Variants in AUTS2 observed in about 807,000 individuals in gnomAD.
AUTS2 encodes autism susceptibility gene 2 protein.
AUTS2 carries 17 observed loss-of-function variants against 112.4 expected under a neutral mutation model. That is an observed-to-expected ratio of 0.15 (90% CI 0.10 to 0.23). AUTS2 has a LOEUF of 0.23. AUTS2 is among the 10% of genes least tolerant of loss of function. The pLI, the probability that AUTS2 is intolerant of heterozygous loss-of-function variation, is 1.00. For missense variants in AUTS2, 1,510 were observed against 1,701.6 expected (o/e 0.89, Z 1.98); for synonymous variants, 751 against 702.7 (o/e 1.07, Z -1.09).
intron 4 of AUTS2, among the ~76,000 whole-genome samples, chr7:70,302,751 GGGCA>G (rs1158117903): frequency 2.8e-4 from 42 of 152,118 alleles, no homozygotes; most frequent in East Asian, 7.7e-4. Context: ...TGGTCTTGAG[GGGCA>G]GGCTGTCTGG....
At chr7:70,323,031 A>C (rs1469230084) in intron 4 of AUTS2, among the ~76,000 whole-genome samples, 1 of 152,214 alleles carries the variant, frequency 6.6e-6, no homozygotes, top group Non-Finnish European at 1.5e-5. Flanking sequence ...AACCAATTAG[A>C]GTGGGTTCTG....
intron 1 of AUTS2, among the ~76,000 whole-genome samples, chr7:69,868,240 A>T (rs1348035221): frequency 1.3e-5 from 2 of 152,166 alleles, no homozygotes; most frequent in Non-Finnish European, 2.9e-5. Context: ...CCTAGGATTC[A>T]GCTTTATCTC....
At chr7:70,424,260 C>T (rs1795339542) in intron 4 of AUTS2, among the ~76,000 whole-genome samples, 1 of 152,162 alleles carries the variant, frequency 6.6e-6, no homozygotes, top group African/African-American at 2.4e-5. Context: ...TTCTGTGGAG[C>T]AGAAATACGG....
chr7:70,764,496 A>G (rs1249164068), intron 7 of AUTS2, among the ~76,000 whole-genome samples: 1 of 152,116 alleles, frequency 6.6e-6, no homozygotes, highest in African/African-American at 2.4e-5. Context: ...TTTAGGCAGA[A>G]TGAGCTGTCT....
chr7:70,734,982 A>C (rs1787695737), intron 6 of AUTS2, among the ~76,000 whole-genome samples: 1 of 152,122 alleles, frequency 6.6e-6, no homozygotes, highest in South Asian at 2.1e-4. Flanking sequence ...ACCCAAGGTC[A>C]AGATAAATAT....
At chr7:70,621,055 G>A (rs1462871563) in intron 5 of AUTS2, among the ~76,000 whole-genome samples, 1 of 152,156 alleles carries the variant, frequency 6.6e-6, no homozygotes, top group African/African-American at 2.4e-5. Context: ...GAAAGAGCCA[G>A]GAGAATGAAG....
intron 5 of AUTS2, among the ~76,000 whole-genome samples, chr7:70,592,859 GT>G (rs1167441276): frequency 2.0e-5 from 3 of 152,088 alleles, no homozygotes; most frequent in Non-Finnish European, 4.4e-5. Context: ...TGTTGTTTTT[GT>G]TTTTTATTAG....
At chr7:70,314,622 C>A (rs1460939343) in intron 4 of AUTS2, among the ~76,000 whole-genome samples, 4 of 152,210 alleles carry the variant, frequency 2.6e-5, no homozygotes, top group African/African-American at 7.2e-5. Flanking sequence ...TCATCTTAAA[C>A]CCTCTAGTCC....
rs543246257 is a variant in AUTS2 at position 70,388,342 on chromosome 7, A to G, written c.661-47410A>G. ...TCCCGCCTTGGATTTTCATTGTTAT[A>G]ACTCCTGTGACTGCTGATAAAGTAT... On this transcript the variant is annotated intron_variant, in intron 4 of 18. Transcript: ENST00000342771. Among the ~76,000 whole-genome samples the G allele has an allele frequency of 2.3e-4, 35 of 152,294 alleles. No homozygotes were observed. The South Asian group carries it at 6.0e-3, about 26-fold the overall frequency.
chr7:69,850,369 A>G (rs1792417158), intron 1 of AUTS2, among the ~76,000 whole-genome samples: 1 of 132,872 alleles, frequency 7.5e-6, no homozygotes, highest in Non-Finnish European at 1.6e-5. Context: ...ACTGCACTCC[A>G]GCCTGGGCAA....
At chr7:69,705,458 CA>C (rs541021886) in intron 1 of AUTS2, among the ~76,000 whole-genome samples, 1 of 152,134 alleles carries the variant, frequency 6.6e-6, no homozygotes, top group Non-Finnish European at 1.5e-5. Context: ...TGGTCAGTCC[CA>C]GTGGTTGGGT....
At chr7:70,557,308 A>C (rs548285838) in intron 5 of AUTS2, among the ~76,000 whole-genome samples, 13 of 152,250 alleles carry the variant, frequency 8.5e-5, no homozygotes, top group Non-Finnish European at 1.6e-4. Flanking sequence ...GGGTCTCCAG[A>C]GGAGGTCACA....
intron 1 of AUTS2, among the ~76,000 whole-genome samples, chr7:69,675,826 T>C (rs1446570689): frequency 6.6e-6 from 1 of 152,098 alleles, no homozygotes; most frequent in Non-Finnish European, 1.5e-5. Flanking sequence ...GTTTGACTCT[T>C]TGCACCCACA....
intron 3 of AUTS2, among the ~76,000 whole-genome samples, chr7:70,122,972 T>A (rs1053115268): frequency 1.3e-5 from 2 of 150,328 alleles, no homozygotes; most frequent in African/African-American, 2.4e-5. Context: ...ACCTCCTGGG[T>A]TCAAGCGATT....
chr7:70,011,063 G>C (rs770935578), intron 2 of AUTS2, among the ~76,000 whole-genome samples: 9 of 152,278 alleles, frequency 5.9e-5, no homozygotes, highest in South Asian at 2.1e-4. Flanking sequence ...TTTAAAATAG[G>C]AGTTAAGGCT....
At chr7:70,738,671 C>G (rs1787916981) in intron 6 of AUTS2, among the ~76,000 whole-genome samples, 1 of 152,076 alleles carries the variant, frequency 6.6e-6, no homozygotes, top group South Asian at 2.1e-4. Context: ...CTCCTGTGCC[C>G]CAATCCCGGA....
At chr7:70,611,208 A>G (rs1028702637) in intron 5 of AUTS2, among the ~76,000 whole-genome samples, 1 of 152,162 alleles carries the variant, frequency 6.6e-6, no homozygotes, top group Admixed American at 6.5e-5. Context: ...TTTTCCCAAT[A>G]CTATGTATTG....
intron 4 of AUTS2, among the ~76,000 whole-genome samples, chr7:70,208,071 T>C (rs768464197): frequency 1.4e-5 from 2 of 138,510 alleles, no homozygotes; most frequent in African/African-American, 5.5e-5. Flanking sequence ...AAAAAAGGAG[T>C]GTGTGTATTT....
chr7:70,430,690 C>T (rs574458998), intron 4 of AUTS2, among the ~76,000 whole-genome samples: 7 of 152,202 alleles, frequency 4.6e-5, no homozygotes, highest in Non-Finnish European at 1.0e-4. Context: ...AAAAGACAGT[C>T]GCAGACAGCA....
Sources: gnomAD v4.1 joint callset for allele counts (sites outside exome capture counted in the v4.1 genomes callset) on GRCh38, gnomAD v4.1.1 for gene constraint, MANE v1.5 for transcripts, NCBI Gene and HGNC (gene_info 2026-07-23, HGNC 2026-07-21) for gene names.